Variants in PAM observed in about 807,000 individuals in gnomAD.
The protein encoded by PAM is peptidylglycine alpha-amidating monooxygenase, also known as peptidyl-glycine alpha-amidating monooxygenase.
In PAM, 72 loss-of-function variants were observed where a neutral mutation model predicts 122.1. The observed-to-expected ratio is 0.59, with a 90% confidence interval of 0.49 to 0.72. The LOEUF (loss-of-function observed/expected upper bound fraction) is 0.72. Among genes scored for constraint, PAM ranks in the 30% least tolerant of loss-of-function variants. The probability of loss-of-function intolerance (pLI) is 0.00; values close to 1 mark genes in which losing one functional copy is unlikely to be tolerated. For synonymous variants in PAM, 389 were observed against 404.4 expected, an observed-to-expected ratio of 0.96 and a Z score of 0.46; for missense variants, 1,106 against 1,183.7, an observed-to-expected ratio of 0.93 and a Z score of 0.96.
chr5:102,832,907 G>A (rs989875076), intron 1 of PAM, among the ~76,000 whole-genome samples: 2 of 152,148 alleles, frequency 1.3e-5, no homozygotes, highest in Non-Finnish European at 2.9e-5. Flanking sequence ...GAGACTTTCT[G>A]TCACCTTGAA....
At chr5:102,879,571 C>T (rs965212231) in intron 3 of PAM, among the ~76,000 whole-genome samples, 1 of 152,094 alleles carries the variant, frequency 6.6e-6, no homozygotes, top group African/African-American at 2.4e-5. Flanking sequence ...GTACCTCCCC[C>T]TTTGCTGTAT....
intron 12 of PAM, among the ~76,000 whole-genome samples, chr5:102,953,746 G>A (rs1759768810): frequency 6.6e-6 from 1 of 152,170 alleles, no homozygotes; most frequent in Non-Finnish European, 1.5e-5. Context: ...GAGTACAATG[G>A]CTCATGCCTG....
intron 16 of PAM, 55 bp from the exon 17 acceptor site, chr5:103,002,978 C>T: frequency 1.2e-6 from 1 of 829,966 alleles, no homozygotes; most frequent in Non-Finnish European, 2.1e-6. Context: ...CTGCATTTCT[C>T]AATTTCATTG....
intron 15 of PAM, among the ~76,000 whole-genome samples, chr5:102,981,468 G>T (rs1160531043): frequency 6.6e-6 from 1 of 152,220 alleles, no homozygotes; most frequent in Non-Finnish European, 1.5e-5. Context: ...GGGTGAAAAG[G>T]TAGTACAGAT....
At chr5:102,797,214 A>G (rs1214473833) in intron 1 of PAM, among the ~76,000 whole-genome samples, 1 of 152,192 alleles carries the variant, frequency 6.6e-6, no homozygotes. Context: ...GGAAAAGGAG[A>G]CAACAACAGC....
At chr5:103,011,832 A>C (rs1780721068) in intron 21 of PAM, among the ~76,000 whole-genome samples, 1 of 151,828 alleles carries the variant, frequency 6.6e-6, no homozygotes, top group Non-Finnish European at 1.5e-5. Flanking sequence ...TTTTTAAGGA[A>C]CCTCCAAACT....
intron 12 of PAM, among the ~76,000 whole-genome samples, chr5:102,956,465 A>C (rs1311062402): frequency 2.6e-5 from 4 of 152,238 alleles, no homozygotes; most frequent in Admixed American, 2.6e-4. Context: ...TAAAATAATA[A>C]AGTGTGATCA....
At chr5:103,027,852 C>A (rs1008857080) in intron 24 of PAM, among the ~76,000 whole-genome samples, 2 of 152,080 alleles carry the variant, frequency 1.3e-5, no homozygotes, top group African/African-American at 4.8e-5. Context: ...AGGTAGTGTT[C>A]TAAATGTGTC....
chr5:102,830,710 C>G (rs1424326788), intron 1 of PAM, among the ~76,000 whole-genome samples: 1 of 152,150 alleles, frequency 6.6e-6, no homozygotes, highest in Non-Finnish European at 1.5e-5. Context: ...ATCAAGTCCC[C>G]AAGTTGCCAA....
chr5:102,869,203 C>T (rs1003289162), intron 3 of PAM, among the ~76,000 whole-genome samples: 5 of 152,156 alleles, frequency 3.3e-5, no homozygotes, highest in South Asian at 4.1e-4. Context: ...CCTCCCTTTC[C>T]GCAATGATTG....
At chr5:102,839,047 C>T (rs1012913482) in intron 1 of PAM, among the ~76,000 whole-genome samples, 4 of 152,016 alleles carry the variant, frequency 2.6e-5, no homozygotes, top group Admixed American at 1.3e-4. Context: ...CACACAGATG[C>T]GTATATAAAG....
chr5:102,954,362 G>A (rs932877246), intron 12 of PAM, among the ~76,000 whole-genome samples: 15 of 151,630 alleles, frequency 9.9e-5, no homozygotes, highest in African/African-American at 2.7e-4. Context: ...CTTTGCCTCC[G>A]TGTGGCTTAG....
intron 22 of PAM, among the ~76,000 whole-genome samples, chr5:103,019,140 C>CG (rs113979430): frequency 1.6e-3 from 243 of 151,718 alleles, no homozygotes; most frequent in South Asian, 5.0e-3. Context: ...GATTTACCTA[C>CG]GGGGGGGGAC....
chr5:103,022,266 A>G (rs1046083944), intron 23 of PAM, among the ~76,000 whole-genome samples: 1 of 151,928 alleles, frequency 6.6e-6, no homozygotes, highest in African/African-American at 2.4e-5. Flanking sequence ...TTGGTGATAT[A>G]TGCACTTTTC....
intron 15 of PAM, among the ~76,000 whole-genome samples, chr5:102,985,985 A>T (rs1771690348): frequency 6.6e-6 from 1 of 152,218 alleles, no homozygotes; most frequent in African/African-American, 2.4e-5. Flanking sequence ...GACAAAAACC[A>T]TATGATCATA....
At chr5:102,989,974 G>T (rs1465039949) in intron 15 of PAM, 1 of 200,872 alleles carries the variant, frequency 5.0e-6, no homozygotes, top group East Asian at 1.1e-4. Flanking sequence ...TAAAAATCTT[G>T]TTGAGAAGAA....
rs889350253 is a variant in PAM, at chr5:102,926,649, G to T, written c.507G>T (p.Gly169=). 6.3e-7 allele frequency: 1 copy of T among 1,582,832 alleles called. No individual in the cohort carries two copies. Among genetic ancestry groups the T allele is most frequent in the Non-Finnish European group, 8.7e-7 (1 of 1,152,044 alleles). The change falls in exon 7 of 26, where the codon GGG becomes GGT. Residue 169 remains glycine (G), a synonymous_variant. Transcript: ENST00000438793. The part of the protein sequence containing the change: ...SKYFVLQVHY[G]DISAFRDNNK... ...ACTTTGTACTACAGGTACACTATGG[G>T]GATATTAGTGCTTTTAGAGGTAAGT...
intron 7 of PAM, among the ~76,000 whole-genome samples, chr5:102,940,115 TAC>T (rs66466018): frequency 0.069 from 9,272 of 133,984 alleles, 306 homozygotes; most frequent in Middle Eastern, 0.1. Flanking sequence ...TATGTATACA[TAC>T]ACACACACAC....
At chr5:103,011,895 C>T (rs935471368) in intron 21 of PAM, among the ~76,000 whole-genome samples, 40 of 152,246 alleles carry the variant, frequency 2.6e-4, no homozygotes, top group Non-Finnish European at 3.4e-4. Flanking sequence ...ACAAGGGTTC[C>T]CTTTTCTCCA....
Sources: gnomAD v4.1 joint callset for allele counts (sites outside exome capture counted in the v4.1 genomes callset) on GRCh38, gnomAD v4.1.1 for gene constraint, MANE v1.5 for transcripts, NCBI Gene and HGNC (gene_info 2026-07-23, HGNC 2026-07-21) for gene names.